SCN1A: variants seen among roughly 807,000 people sequenced by gnomAD.
SCN1A encodes the protein sodium voltage-gated channel alpha subunit 1.
In SCN1A, 13 loss-of-function variants were observed where a neutral mutation model predicts 193.7. That is an observed-to-expected ratio of 0.07 (90% CI 0.04 to 0.11). The LOEUF is 0.11. Ranked by LOEUF, SCN1A falls within the 10% of genes least tolerant of loss-of-function variation. SCN1A has a pLI of 1.00. For missense variants in SCN1A, 1,432 were observed against 2,451.1 expected (o/e 0.58, Z 8.78); for synonymous variants, 781 against 843.6 (o/e 0.93, Z 1.29).
intron 24 of SCN1A, among the ~76,000 whole-genome samples, chr2:166,001,886 T>C (rs1404802464): frequency 1.4e-5 from 2 of 141,188 alleles, no homozygotes; most frequent in Non-Finnish European, 3.1e-5. Context: ...TCTCTTTTTT[T>C]TTTTTTTTTT....
chr2:166,053,158 G>T, intron 7 of SCN1A: 1 of 962,606 alleles, frequency 1.0e-6, no homozygotes, highest in South Asian at 1.3e-5. Flanking sequence ...AATTATTCAA[G>T]ATTTTAGCAG....
intron 14 of SCN1A, among the ~76,000 whole-genome samples, chr2:166,043,157 A>G (rs1472478634): frequency 6.6e-6 from 1 of 152,228 alleles, no homozygotes; most frequent in African/African-American, 2.4e-5. Context: ...GTGTCTCTTC[A>G]TTTAATTTTG....
At chr2:166,095,342 T>C (rs896248434) in intron 2 of SCN1A, among the ~76,000 whole-genome samples, 1 of 152,214 alleles carries the variant, frequency 6.6e-6, no homozygotes, top group Non-Finnish European at 1.5e-5. Flanking sequence ...AATAGAATAA[T>C]GGTGATAAGA....
chr2:166,063,113 C>T (rs1488714908), intron 4 of SCN1A, among the ~76,000 whole-genome samples: 1 of 152,060 alleles, frequency 6.6e-6, no homozygotes, highest in African/African-American at 2.4e-5. Flanking sequence ...AATATTTGTC[C>T]TTCAGTTCAT....
chr2:166,030,968 C>G (rs1168104661), intron 19 of SCN1A, among the ~76,000 whole-genome samples: 3 of 152,096 alleles, frequency 2.0e-5, no homozygotes, highest in African/African-American at 7.2e-5. Context: ...CTGTCCAAGT[C>G]ACCATTCTTT....
Position 166,046,238 on chromosome 2 carries a change from A to G in SCN1A, c.1377+532T>C, listed in dbSNP as rs371466133. Among the ~76,000 whole-genome samples the G allele has an allele frequency of 6.6e-5, 10 of 152,340 alleles. No homozygotes were observed. In the South Asian group the frequency reaches 1.4e-3, roughly 22 times the overall value. ...ACTATAAAAACAAGTAATCCTTTTT[A>G]GATGGTCAATCTGTGTAAGATTGGT... On this transcript the variant is annotated intron_variant, in intron 12 of 28. Coordinates refer to ENST00000674923, the MANE Select transcript of SCN1A (RefSeq NM_001165963.4).
chr2:166,083,732 CAT>C (rs1685779608), intron 2 of SCN1A, among the ~76,000 whole-genome samples: 1 of 152,014 alleles, frequency 6.6e-6, no homozygotes, highest in South Asian at 2.1e-4. Flanking sequence ...CATAATAAAT[CAT>C]GTGAAATTTA....
At chr2:166,121,651 G>T (rs1690609738) in intron 2 of SCN1A, among the ~76,000 whole-genome samples, 1 of 151,854 alleles carries the variant, frequency 6.6e-6, no homozygotes. Flanking sequence ...GTAGGAGGAG[G>T]GTATGAATAA....
In SCN1A at chr2:166,002,558, T is replaced by C; in HGVS notation, c.4198A>G (p.Ile1400Val). The stretch of plus-strand genomic sequence containing the variant: ...CATCGAGCAGTCTCATTTCTTTCTA[T>C]TAGTTTTAGGCAATCAGTATGATTA... Reference protein sequence around the residue: ...VNNHTDCLKLIERNETARWKN... With the variant: ...VNNHTDCLKLVERNETARWKN... The change falls in exon 24 of 29, where the codon ATA becomes GTA. Residue 1400 changes from isoleucine (I) to valine (V), a missense_variant. By Grantham distance (29) the Ile-to-Val change is conservative (BLOSUM62 3). Around this residue, in one of 18 missense-constraint regions of SCN1A, gnomAD observed 107 missense variants for 259.4 expected, o/e 0.41. Coordinates refer to ENST00000674923, the MANE Select transcript of SCN1A (RefSeq NM_001165963.4). 6.2e-7 allele frequency: 1 copy of C among 1,611,938 alleles called. No homozygotes were observed. The highest frequency in any genetic ancestry group is 1.1e-5 in the South Asian group (1 of 91,022).
At chr2:166,063,834 T>C (rs1015026867) in intron 4 of SCN1A, among the ~76,000 whole-genome samples, 2 of 152,092 alleles carry the variant, frequency 1.3e-5, no homozygotes, top group African/African-American at 2.4e-5. Flanking sequence ...TATATTTTTA[T>C]ACTAAGTCTT....
At chr2:165,999,993 C>T in intron 24 of SCN1A, 1 of 568,560 alleles carries the variant, frequency 1.8e-6, no homozygotes, top group Non-Finnish European at 3.2e-6. Context: ...TATATCCTCC[C>T]CTTGATAACC....
chr2:166,011,084 T>C (rs1334013088), intron 22 of SCN1A, among the ~76,000 whole-genome samples: 5 of 151,224 alleles, frequency 3.3e-5, no homozygotes, highest in Admixed American at 1.3e-4. Flanking sequence ...TTCTCCCTTA[T>C]TGATGTGATA....
chr2:166,119,767 A>G (rs932084229), intron 2 of SCN1A, among the ~76,000 whole-genome samples: 1 of 152,140 alleles, frequency 6.6e-6, no homozygotes, highest in African/African-American at 2.4e-5. Flanking sequence ...ATATTCCAAA[A>G]GACAAAATAT....
chr2:166,008,152 A>G (rs1280667413), intron 23 of SCN1A, among the ~76,000 whole-genome samples: 2 of 151,200 alleles, frequency 1.3e-5, no homozygotes, highest in Non-Finnish European at 3.0e-5. Context: ...CTCTTTTAAT[A>G]TAAAAGGCAT....
chr2:166,027,972 C>T (rs2105738087), intron 19 of SCN1A, among the ~76,000 whole-genome samples: 1 of 152,220 alleles, frequency 6.6e-6, no homozygotes, highest in South Asian at 2.1e-4. Flanking sequence ...CTCATTAATT[C>T]CCACATTATT....
At chr2:166,048,276 TG>T (rs1698091573) in intron 10 of SCN1A, among the ~76,000 whole-genome samples, 1 of 152,092 alleles carries the variant, frequency 6.6e-6, no homozygotes, top group Admixed American at 6.6e-5. Context: ...CATGAGGGTT[TG>T]TTGTGTAGAT....
intron 6 of SCN1A, among the ~76,000 whole-genome samples, chr2:166,055,463 A>C (rs2105905550): frequency 6.6e-6 from 1 of 151,948 alleles, no homozygotes; most frequent in African/African-American, 2.4e-5. Flanking sequence ...TTTGTATATA[A>C]AATTTATTAT....
At chr2:166,100,026 T>G (rs1271778839) in intron 2 of SCN1A, among the ~76,000 whole-genome samples, 1 of 115,868 alleles carries the variant, frequency 8.6e-6, no homozygotes, top group African/African-American at 2.9e-5. Context: ...AAAGTTCATA[T>G]GGAACCAAAA....
chr2:166,097,206 G>A (rs534330713), intron 2 of SCN1A, among the ~76,000 whole-genome samples: 4 of 152,206 alleles, frequency 2.6e-5, no homozygotes, highest in African/African-American at 7.2e-5. Context: ...TATTTTAGTA[G>A]ACACAGGGTT....
Sources: allele counts gnomAD v4.1 joint callset (sites outside exome capture counted in the v4.1 genomes callset), GRCh38; gene constraint gnomAD v4.1.1; regional missense constraint gnomAD v4.1.1; transcripts MANE v1.5; gene names NCBI Gene and HGNC (gene_info 2026-07-23, HGNC 2026-07-21).